The following ANAPC1 variants were observed in gnomAD, a reference collection of about 807,000 sequenced individuals.
ANAPC1 encodes the protein anaphase-promoting complex subunit 1.
Under a neutral mutation model 208.0 loss-of-function variants are expected in ANAPC1, and 36 were observed. That is an observed-to-expected ratio of 0.17 (90% CI 0.13 to 0.23). The LOEUF is 0.23. Ranked by LOEUF, ANAPC1 falls within the 10% of genes least tolerant of loss-of-function variation. The pLI, the probability that ANAPC1 is intolerant of heterozygous loss-of-function variation, is 1.00. For missense variants in ANAPC1, 942 were observed against 2,011.6 expected, an observed-to-expected ratio of 0.47 and a Z score of 10.17; for synonymous variants, 378 against 695.2, an observed-to-expected ratio of 0.54 and a Z score of 7.18.
At chr2:111,867,983 A>T in intron 7 of ANAPC1, 40 bp downstream of exon 7, 1 of 1,429,844 alleles carries the variant, frequency 7.0e-7, no homozygotes, top group Non-Finnish European at 9.5e-7. Context: ...AAAGTCAAAA[A>T]AAAAAGAGCT....
At chr2:111,849,369 A>G (rs1039867906) in intron 14 of ANAPC1, among the ~76,000 whole-genome samples, 1 of 152,164 alleles carries the variant, frequency 6.6e-6, no homozygotes. Context: ...ACACTCTGAC[A>G]CTTCTCCAGT....
At chr2:111,827,780 A>G (rs1679917608) in intron 21 of ANAPC1, among the ~76,000 whole-genome samples, 2 of 152,062 alleles carry the variant, frequency 1.3e-5, no homozygotes, top group South Asian at 4.1e-4. Flanking sequence ...AAAAATAAAA[A>G]AAGTCCAATA....
At chr2:111,776,641 TA>T (rs1677016259) in intron 46 of ANAPC1, among the ~76,000 whole-genome samples, 1 of 71,220 alleles carries the variant, frequency 1.4e-5, no homozygotes. Flanking sequence ...TAAAATGCTA[TA>T]AATATTATCT....
chr2:111,772,140 A>T (rs1676774496), intron 47 of ANAPC1, among the ~76,000 whole-genome samples: 1 of 145,016 alleles, frequency 6.9e-6, no homozygotes, highest in African/African-American at 2.6e-5. Flanking sequence ...AGAAGAATCC[A>T]TCCTTTTCTG....
Position 111,880,359 on chromosome 2 carries a change from C to T in ANAPC1, c.213+254G>A, listed in dbSNP as rs973595641. 1.4e-5 allele frequency: 8 copies of T among 587,296 alleles called. No individual in the cohort carries two copies. The African/African-American group carries it at 1.6e-4, about 12-fold the overall frequency. The allele number at this position is 587,296 out of a possible 1,614,324, so 36.4% of individuals were successfully genotyped here. On this transcript the variant is annotated intron_variant, in intron 2 of 47. Coordinates refer to ENST00000341068, the MANE Select transcript of ANAPC1 (RefSeq NM_022662.4). Reference sequence around the variant, plus strand: ...TGCACTCCAGCCCGGGCAAAAAGAGCAAAACTTCATCTCAAACAAAAAAAT... The same window carrying T: ...TGCACTCCAGCCCGGGCAAAAAGAGTAAAACTTCATCTCAAACAAAAAAAT...
At chr2:111,788,865 G>A (rs1355325655) in intron 38 of ANAPC1, among the ~76,000 whole-genome samples, 3 of 151,964 alleles carry the variant, frequency 2.0e-5, no homozygotes, top group Admixed American at 6.6e-5. Context: ...GAGGCCATGC[G>A]CGGTGGCTCA....
At chr2:111,782,259 C>T (rs1456232620) in intron 43 of ANAPC1, 110 bp downstream of exon 43, 4 of 1,183,948 alleles carry the variant, frequency 3.4e-6, no homozygotes, top group Non-Finnish European at 4.7e-6. Flanking sequence ...TCTTTACAAT[C>T]TGCAACAATG....
At position 111,862,393 on chromosome 2, in the gene ANAPC1, T is replaced by C; in HGVS notation, c.1258A>G (p.Ile420Val). The change falls in exon 10 of 48, where the codon ATA becomes GTA. Residue 420 changes from isoleucine to valine, a missense_variant. By Grantham distance (29) the Ile-to-Val change is conservative. Transcript: ENST00000341068. ...DHLWTETITN[I>V]REKNSQASKV... is the part of the protein sequence containing the mutation. The stretch of plus-strand genomic sequence containing the variant: ...ATAATAATATATATAACAAACCTTA[T>C]ATTAGTAATCGTTTCTGTCCACAAA... 6.5e-7 allele frequency: 1 copy of C among 1,533,570 alleles called. No homozygotes were observed. Among genetic ancestry groups the C allele is most frequent in the Non-Finnish European group, 8.7e-7 (1 of 1,143,238 alleles). The allele number at this position is 1,533,570 out of a possible 1,614,324, so 95.0% of individuals were successfully genotyped here.
At chr2:111,860,754 CA>C (rs1199072574) in intron 10 of ANAPC1, among the ~76,000 whole-genome samples, 1 of 151,904 alleles carries the variant, frequency 6.6e-6, no homozygotes, top group Non-Finnish European at 1.5e-5. Flanking sequence ...CTTAAGTTTC[CA>C]GGACTTCAGT....
At chr2:111,777,450 G>A (rs1677053090) in intron 45 of ANAPC1, among the ~76,000 whole-genome samples, 1 of 151,298 alleles carries the variant, frequency 6.6e-6, no homozygotes, top group Non-Finnish European at 1.5e-5. Flanking sequence ...CTGCCCTTGA[G>A]ATCCATCTGC....
At chr2:111,880,208 T>C (rs932016203) in intron 2 of ANAPC1, among the ~76,000 whole-genome samples, 2 of 151,784 alleles carry the variant, frequency 1.3e-5, no homozygotes, top group African/African-American at 4.8e-5. Context: ...ACCCCATCAC[T>C]ACTAAAAATA....
chr2:111,832,813 C>T (rs1233592673), intron 20 of ANAPC1, among the ~76,000 whole-genome samples: 2 of 151,694 alleles, frequency 1.3e-5, no homozygotes, highest in South Asian at 2.1e-4. Flanking sequence ...ACCTGTAGTC[C>T]CAGCTATTCA....
intron 3 of ANAPC1, among the ~76,000 whole-genome samples, chr2:111,874,511 T>C (rs1682923038): frequency 1.2e-5 from 1 of 86,926 alleles, no homozygotes; most frequent in Non-Finnish European, 2.5e-5. Flanking sequence ...CTCATGTAAG[T>C]GAAACTGTAC....
At chr2:111,867,241 G>T (rs192398643) in intron 7 of ANAPC1, among the ~76,000 whole-genome samples, 1 of 151,680 alleles carries the variant, frequency 6.6e-6, no homozygotes, top group Non-Finnish European at 1.5e-5. Context: ...AGTGAGCCGA[G>T]ATCGCACCAT....
rs1406682067 is a variant in ANAPC1 at position 111,768,577 on chromosome 2, T to C, written c.*714A>G. 2.7e-5 allele frequency: 4 copies of C among 148,146 alleles called. No homozygotes were observed. Among genetic ancestry groups the C allele is most frequent in the African/African-American group, 1.0e-4 (4 of 39,354 alleles). 9.2% of individuals were successfully genotyped at this position (148,146 alleles called of 1,614,324 possible). A position where few individuals can be genotyped will look rare whatever the true frequency, so the allele number is the denominator to read the frequency against. On this transcript the variant is annotated 3_prime_UTR_variant, in exon 48 of 48. Coordinates refer to ENST00000341068, the MANE Select transcript of ANAPC1 (RefSeq NM_022662.4). ...CACATGGCAGAGAGAGAAAGAAAAA[T>C]CTCTCTTCCTCTGCTTAGGAGGCCA...
At chr2:111,771,606 A>G (rs1248148787) in intron 47 of ANAPC1, among the ~76,000 whole-genome samples, 7 of 149,934 alleles carry the variant, frequency 4.7e-5, no homozygotes, top group South Asian at 2.1e-4. Context: ...TTTAGCTTTT[A>G]TATTTGTTTT....
chr2:111,850,999 T>C (rs1052151941), intron 13 of ANAPC1, 89 bp from the exon 14 acceptor site: 11 of 1,420,156 alleles, frequency 7.7e-6, no homozygotes, highest in Non-Finnish European at 1.0e-5. Flanking sequence ...TAAACATATA[T>C]TTCTTTTGAT....
intron 25 of ANAPC1, among the ~76,000 whole-genome samples, chr2:111,821,940 G>C (rs1436228440): frequency 2.0e-5 from 3 of 151,734 alleles, no homozygotes; most frequent in African/African-American, 7.3e-5. Context: ...TTTCCCTGGG[G>C]CTGCAGTTTT....
chr2:111,781,406 A>T (rs1229563310), intron 43 of ANAPC1, among the ~76,000 whole-genome samples: 1 of 151,956 alleles, frequency 6.6e-6, no homozygotes, highest in Non-Finnish European at 1.5e-5. Context: ...GAATACTGCC[A>T]AACAAAATTC....
Sources: gnomAD v4.1 joint callset for allele counts (sites outside exome capture counted in the v4.1 genomes callset) on GRCh38, gnomAD v4.1.1 for gene constraint, MANE v1.5 for transcripts, NCBI Gene and HGNC (gene_info 2026-07-23, HGNC 2026-07-21) for gene names.